Variants in ERC2 observed in about 807,000 individuals in gnomAD.
The protein encoded by ERC2 is ERC protein 2.
Under a neutral mutation model 114.8 loss-of-function variants are expected in ERC2, and 42 were observed. That is an observed-to-expected ratio of 0.37 (90% CI 0.29 to 0.47). The LOEUF is 0.47. Among genes scored for constraint, ERC2 ranks in the 20% least tolerant of loss-of-function variants. ERC2 has a pLI of 0.99. For synonymous variants in ERC2, 454 were observed against 425.5 expected (o/e 1.07, Z -0.82); for missense variants, 939 against 1,150.7 (o/e 0.82, Z 2.66).
rs573699518 is a variant in ERC2 at position 56,315,491 on chromosome 3, T to C, written c.658-19056A>G. 3.3e-5 allele frequency among the ~76,000 whole-genome samples: 5 copies of C among 152,340 alleles called. No individual in the cohort carries two copies. The East Asian group carries it at 7.7e-4, about 23-fold the overall frequency. On this transcript the variant is annotated intron_variant, in intron 2 of 17. Coordinates refer to ENST00000288221, the MANE Select transcript of ERC2 (RefSeq NM_015576.3). Reference sequence around the variant, plus strand: ...GTAATATCTGTTTGAGATTATTTTATTGTATCTGGATAATTTTGGGCCTAT... The same window carrying C: ...GTAATATCTGTTTGAGATTATTTTACTGTATCTGGATAATTTTGGGCCTAT...
chr3:56,381,078 T>G (rs2059730650), intron 2 of ERC2, among the ~76,000 whole-genome samples: 1 of 152,164 alleles, frequency 6.6e-6, no homozygotes, highest in South Asian at 2.1e-4. Flanking sequence ...AGGAAGCACT[T>G]TAGGACTTTG....
At chr3:55,751,852 A>G (rs1310525115) in intron 14 of ERC2, among the ~76,000 whole-genome samples, 2 of 152,212 alleles carry the variant, frequency 1.3e-5, no homozygotes, top group South Asian at 2.1e-4. Context: ...GTGACTAAAC[A>G]CATGCTTTGG....
intron 17 of ERC2, among the ~76,000 whole-genome samples, chr3:55,514,286 A>G (rs2052330426): frequency 6.6e-6 from 1 of 151,974 alleles, no homozygotes; most frequent in Non-Finnish European, 1.5e-5. Flanking sequence ...GGTACCAGCT[A>G]TTTGAGAAGC....
At chr3:55,942,287 TTTTTTTTTTTTTTTTTG>T (rs2149427364) in intron 13 of ERC2, among the ~76,000 whole-genome samples, 1 of 121,666 alleles carries the variant, frequency 8.2e-6, no homozygotes, top group African/African-American at 3.4e-5. Flanking sequence ...TTTTTTTTTT[TTTTTTTTTTTTTTTTTG>T]TTGAGACGGA....
chr3:56,185,895 C>T (rs2150055650), intron 3 of ERC2, among the ~76,000 whole-genome samples: 1 of 151,930 alleles, frequency 6.6e-6, no homozygotes, highest in East Asian at 1.9e-4. Flanking sequence ...ATGAGGATGT[C>T]AGAGAGATTC....
At chr3:55,599,084 C>T (rs1381922746) in intron 17 of ERC2, among the ~76,000 whole-genome samples, 1 of 152,220 alleles carries the variant, frequency 6.6e-6, no homozygotes, top group East Asian at 1.9e-4. Flanking sequence ...ACATCAAAAA[C>T]TTTTGCAGAC....
intron 2 of ERC2, among the ~76,000 whole-genome samples, chr3:56,425,560 C>CT (rs67210393): frequency 0.3 from 37,093 of 123,116 alleles, 5,589 homozygotes; most frequent in Admixed American, 0.41. Context: ...GACCCTTTTT[C>CT]TTTTTTTTTT....
chr3:56,338,504 T>C (rs1308108563), intron 2 of ERC2, among the ~76,000 whole-genome samples: 1 of 152,170 alleles, frequency 6.6e-6, no homozygotes, highest in African/African-American at 2.4e-5. Context: ...CCACCTGCAA[T>C]TGCCTTCATA....
chr3:55,687,163 G>T (rs999181357), intron 16 of ERC2, among the ~76,000 whole-genome samples: 5 of 152,168 alleles, frequency 3.3e-5, no homozygotes, highest in Admixed American at 3.3e-4. Context: ...CGGCTATGTT[G>T]ATGACAAGCT....
At chr3:55,608,325 G>A (rs569679940) in intron 17 of ERC2, among the ~76,000 whole-genome samples, 6 of 152,240 alleles carry the variant, frequency 3.9e-5, no homozygotes, top group African/African-American at 1.4e-4. Flanking sequence ...ATTTGTTTAG[G>A]TTTTCCCTCC....
intron 2 of ERC2, among the ~76,000 whole-genome samples, chr3:56,380,201 C>T (rs925577369): frequency 2.0e-5 from 3 of 152,128 alleles, no homozygotes; most frequent in African/African-American, 4.8e-5. Flanking sequence ...TGACAGCAGA[C>T]GTCTGGGGAG....
chr3:56,398,094 T>C (rs2060381201), intron 2 of ERC2, among the ~76,000 whole-genome samples: 2 of 152,158 alleles, frequency 1.3e-5, no homozygotes, highest in African/African-American at 4.8e-5. Context: ...CCACCATAAA[T>C]TGAGTTTATA....
intron 17 of ERC2, among the ~76,000 whole-genome samples, chr3:55,585,982 C>T (rs557259448): frequency 3.9e-5 from 6 of 152,310 alleles, no homozygotes; most frequent in African/African-American, 1.4e-4. Context: ...AGCCTGCAGC[C>T]ACAGGAGGGA....
At chr3:55,591,960 T>A (rs1431799624) in intron 17 of ERC2, among the ~76,000 whole-genome samples, 1 of 152,256 alleles carries the variant, frequency 6.6e-6, no homozygotes, top group Non-Finnish European at 1.5e-5. Context: ...GCTACTTCCC[T>A]GTCTCTAAGG....
chr3:56,264,702 A>T (rs564133516), intron 3 of ERC2, among the ~76,000 whole-genome samples: 2 of 152,128 alleles, frequency 1.3e-5, no homozygotes, highest in East Asian at 3.9e-4. Flanking sequence ...TACATGTAGA[A>T]AGCCCTATAA....
At chr3:56,082,362 G>T (rs2077279891) in intron 6 of ERC2, among the ~76,000 whole-genome samples, 1 of 152,102 alleles carries the variant, frequency 6.6e-6, no homozygotes, top group Non-Finnish European at 1.5e-5. Flanking sequence ...AGCATTGATT[G>T]ATCTCTCATC....
intron 17 of ERC2, among the ~76,000 whole-genome samples, chr3:55,513,143 AGCC>A (rs1418262253): frequency 2.0e-5 from 3 of 152,194 alleles, no homozygotes; most frequent in African/African-American, 7.2e-5. Flanking sequence ...TCAACGCAGC[AGCC>A]AACAACAGCG....
chr3:55,914,860 C>G (rs2065005729), intron 13 of ERC2, among the ~76,000 whole-genome samples: 1 of 152,166 alleles, frequency 6.6e-6, no homozygotes, highest in African/African-American at 2.4e-5. Context: ...TCTGGACATT[C>G]TTCCTTCTAA....
chr3:55,750,548 C>T (rs1288673851), intron 14 of ERC2, among the ~76,000 whole-genome samples: 1 of 152,020 alleles, frequency 6.6e-6, no homozygotes, highest in Non-Finnish European at 1.5e-5. Context: ...GCAGGCTTCA[C>T]AGAGGATAAG....
Sources: allele counts gnomAD v4.1 joint callset (sites outside exome capture counted in the v4.1 genomes callset), GRCh38; gene constraint gnomAD v4.1.1; transcripts MANE v1.5; gene names NCBI Gene and HGNC (gene_info 2026-07-23, HGNC 2026-07-21).